Variants in CIAPIN1 observed in about 807,000 individuals in gnomAD.
CIAPIN1 encodes the protein anamorsin.
A neutral mutation model predicts 34.3 loss-of-function variants in CIAPIN1; 18 were observed. That is an observed-to-expected ratio of 0.52 (90% CI 0.36 to 0.78). The LOEUF (loss-of-function observed/expected upper bound fraction) is 0.78, where lower values mean the gene tolerates loss of function less well. Ranked by LOEUF, CIAPIN1 falls within the 30% of genes least tolerant of loss-of-function variation. CIAPIN1 has a pLI of 0.00. For synonymous variants in CIAPIN1, 131 were observed against 140.4 expected (o/e 0.93, Z 0.47); for missense variants, 310 against 372.5 (o/e 0.83, Z 1.38).
chr16:57,433,170 C>T (rs1052627193), intron 5 of CIAPIN1, among the ~76,000 whole-genome samples: 3 of 152,218 alleles, frequency 2.0e-5, no homozygotes. Flanking sequence ...AAACCTCACA[C>T]TTCCTGGTTC....
chr16:57,433,736 C>T (rs541651708), intron 5 of CIAPIN1: 8 of 349,388 alleles, frequency 2.3e-5, no homozygotes, highest in East Asian at 7.4e-5. Flanking sequence ...TGAGGAGAAA[C>T]GTTAATTCTG....
chr16:57,438,363 C>T (rs781730185), intron 3 of CIAPIN1, among the ~76,000 whole-genome samples: 10 of 152,206 alleles, frequency 6.6e-5, no homozygotes, highest in African/African-American at 1.2e-4. Context: ...TCCCAGGGTT[C>T]GGCCACTATT....
chr16:57,431,114 A>C (rs1453791691), intron 7 of CIAPIN1, 37 bp downstream of exon 7: 1 of 1,294,612 alleles, frequency 7.7e-7, no homozygotes, highest in South Asian at 1.2e-5. Context: ...AAGCCACTGG[A>C]GGCAGCATGG....
At chr16:57,432,114 G>C (rs574849906) in intron 6 of CIAPIN1, among the ~76,000 whole-genome samples, 1 of 152,104 alleles carries the variant, frequency 6.6e-6, no homozygotes, top group Non-Finnish European at 1.5e-5. Flanking sequence ...GGAGTTTTGC[G>C]ACCAGTCTGG....
chr16:57,438,619 A>T (rs963815480), intron 3 of CIAPIN1, among the ~76,000 whole-genome samples: 1 of 152,184 alleles, frequency 6.6e-6, no homozygotes, highest in Admixed American at 6.5e-5. Context: ...ATTTTATTAT[A>T]TGTGTAGATT....
At position 57,439,325 on chromosome 16, in the gene CIAPIN1, T is replaced by C. The variant is rs1903274804; in HGVS notation, c.167A>G (p.Lys56Arg). ...CAAAATAATGTCAAAGCTGGATTCT[T>C]TGTGGGCAGCTGAAAAGAAGAGGAC... ...NIKQLLQSAH[K>R]ESSFDIILSG... The change falls in exon 3 of 9, where the codon AAA (lysine) becomes AGA (arginine). Residue 56 changes from lysine to arginine, a missense_variant. Transcript: ENST00000394391. 6.8e-6 allele frequency: 11 copies of C among 1,614,016 alleles called. No homozygotes were observed. The highest frequency in any genetic ancestry group is 2.2e-5 in the East Asian group (1 of 44,898).
chr16:57,433,439 G>A (rs544936032), intron 5 of CIAPIN1, among the ~76,000 whole-genome samples: 2 of 152,314 alleles, frequency 1.3e-5, no homozygotes, highest in South Asian at 4.1e-4. Flanking sequence ...GAATGTACCA[G>A]TAAATATCTG....
chr16:57,445,880 C>T (rs1157991953), intron 1 of CIAPIN1, among the ~76,000 whole-genome samples: 1 of 104,628 alleles, frequency 9.6e-6, no homozygotes, highest in African/African-American at 3.7e-5. Context: ...GAGTCTTGCT[C>T]TGTTGCCCAG....
intron 5 of CIAPIN1, 152 bp from the exon 6 acceptor site, chr16:57,432,712 G>C (rs778725950): frequency 4.7e-5 from 31 of 664,010 alleles, no homozygotes; most frequent in Non-Finnish European, 7.1e-5. Context: ...ACCCCTCTGA[G>C]AGGTCTGACC....
chr16:57,432,261 C>T (rs1247709458), intron 6 of CIAPIN1, among the ~76,000 whole-genome samples: 3 of 151,774 alleles, frequency 2.0e-5, no homozygotes, highest in South Asian at 2.1e-4. Context: ...TGCAGTAAGC[C>T]GAGATTGTGC....
intron 1 of CIAPIN1, among the ~76,000 whole-genome samples, chr16:57,442,940 C>T (rs1189868447): frequency 6.6e-6 from 1 of 152,038 alleles, no homozygotes; most frequent in African/African-American, 2.4e-5. Context: ...TTTGCATTTT[C>T]CCCTCATCAT....
Position 57,431,263 on chromosome 16 carries a change from GATC to G in CIAPIN1, c.631_633del (p.Asp211del). On this transcript the variant is annotated inframe_deletion and splice_region_variant, in exon 7 of 9. Transcript: ENST00000394391. ...TCCAGCAGCTCATCTGAGTCAATGA[GATC>G]CTGGAGAGTGTTCAAAGCAATGAGT... The G allele has an allele frequency of 6.2e-7, 1 of 1,606,506 alleles. No individual in the cohort carries two copies. The highest frequency in any genetic ancestry group is 8.5e-7 in the Non-Finnish European group (1 of 1,173,384).
At chr16:57,444,429 A>G (rs2029975518) in intron 1 of CIAPIN1, among the ~76,000 whole-genome samples, 1 of 152,202 alleles carries the variant, frequency 6.6e-6, no homozygotes, top group African/African-American at 2.4e-5. Context: ...CTTTGCTTCA[A>G]GCAGTCCTAT....
At chr16:57,431,436 CA>C (rs779273978) in intron 6 of CIAPIN1, 170 bp from the exon 7 acceptor site, 36 of 507,160 alleles carry the variant, frequency 7.1e-5, no homozygotes, top group Non-Finnish European at 9.6e-5. Context: ...CTCAAGAGGC[CA>C]ACGGTGAGTT....
intron 2 of CIAPIN1, among the ~76,000 whole-genome samples, chr16:57,439,861 C>T (rs1048301921): frequency 1.3e-5 from 2 of 152,160 alleles, no homozygotes; most frequent in African/African-American, 4.8e-5. Flanking sequence ...GTTAACTGCA[C>T]AAATTGTTCA....
chr16:57,444,913 CATT>C (rs1255481402), intron 1 of CIAPIN1, among the ~76,000 whole-genome samples: 3 of 152,190 alleles, frequency 2.0e-5, no homozygotes, highest in Admixed American at 2.0e-4. Context: ...GAGGTAGCAT[CATT>C]GTCACGTCAC....
At position 57,443,139 on chromosome 16, in the gene CIAPIN1, T is replaced by G. The variant is rs1353430524; in HGVS notation, c.-55-2156A>C. Among the ~76,000 whole-genome samples, 3 of 150,090 alleles carry G rather than the reference T, an allele frequency of 2.0e-5. No individual in the cohort carries two copies. In the East Asian group the frequency reaches 5.8e-4, roughly 29 times the overall value. ...AGACAATAATTCTGGTTTTGTTTTT[T>G]TTTTTTTTTTGCGGGGGTGGTGGGG... On this transcript the variant is annotated intron_variant, in intron 1 of 8. Coordinates refer to ENST00000394391, the MANE Select transcript of CIAPIN1 (RefSeq NM_020313.4).
chr16:57,429,789 G>T (rs1375335943), intron 8 of CIAPIN1, among the ~76,000 whole-genome samples: 1 of 128,292 alleles, frequency 7.8e-6, no homozygotes, highest in African/African-American at 3.0e-5. Context: ...ACCGCACCCG[G>T]CCTTTTTTTT....
intron 3 of CIAPIN1, among the ~76,000 whole-genome samples, chr16:57,437,864 G>C (rs541469963): frequency 2.0e-4 from 31 of 152,140 alleles, no homozygotes; most frequent in Admixed American, 1.2e-3. Flanking sequence ...CCTTTTTGTT[G>C]TTCGAAGTGT....
Sources: gnomAD v4.1 joint callset for allele counts (sites outside exome capture counted in the v4.1 genomes callset) on GRCh38, gnomAD v4.1.1 for gene constraint, MANE v1.5 for transcripts, NCBI Gene and HGNC (gene_info 2026-07-23, HGNC 2026-07-21) for gene names.